CADPS: variants seen among roughly 807,000 people sequenced by gnomAD.
CADPS encodes calcium-dependent secretion activator 1.
Under a neutral mutation model 167.3 loss-of-function variants are expected in CADPS, and 57 were observed. That is an observed-to-expected ratio of 0.34 (90% CI 0.28 to 0.42). CADPS has a LOEUF of 0.42. CADPS is among the 20% of genes least tolerant of loss of function. The pLI is 1.00. For synonymous variants in CADPS, 676 were observed against 635.3 expected (o/e 1.06, Z -0.96); for missense variants, 1,414 against 1,738.1 (o/e 0.81, Z 3.32).
At chr3:62,578,406 C>A (rs965958154) in intron 8 of CADPS, among the ~76,000 whole-genome samples, 1 of 151,354 alleles carries the variant, frequency 6.6e-6, no homozygotes. Context: ...GTCAGGAGAT[C>A]GAGACAATTC....
intron 17 of CADPS, among the ~76,000 whole-genome samples, chr3:62,500,834 T>C (rs1355750496): frequency 6.6e-6 from 1 of 152,220 alleles, no homozygotes; most frequent in African/African-American, 2.4e-5. Context: ...TAATATTCTT[T>C]TATGCATTTC....
intron 12 of CADPS, among the ~76,000 whole-genome samples, chr3:62,534,698 C>T (rs1199491319): frequency 1.3e-5 from 2 of 152,022 alleles, no homozygotes; most frequent in Admixed American, 6.6e-5. Flanking sequence ...CCCTGCTGGT[C>T]GGTCTCCAAA....
chr3:62,803,494 T>A (rs1297314247), intron 1 of CADPS, among the ~76,000 whole-genome samples: 1 of 152,096 alleles, frequency 6.6e-6, no homozygotes, highest in Non-Finnish European at 1.5e-5. Context: ...TAGAAGGCTG[T>A]GTTGCTGCCT....
chr3:62,609,902 G>A (rs2061252392), intron 6 of CADPS, among the ~76,000 whole-genome samples: 3 of 151,954 alleles, frequency 2.0e-5, no homozygotes, highest in African/African-American at 7.2e-5. Context: ...AACAGCCTGG[G>A]CATGGTGAAA....
At chr3:62,427,868 A>T (rs2053078547) in intron 28 of CADPS, among the ~76,000 whole-genome samples, 1 of 148,776 alleles carries the variant, frequency 6.7e-6, no homozygotes, top group South Asian at 2.2e-4. Flanking sequence ...GTTCTTTTCT[A>T]AAAAAAAAAT....
chr3:62,752,550 A>G (rs560004059), intron 3 of CADPS, among the ~76,000 whole-genome samples: 4 of 152,292 alleles, frequency 2.6e-5, no homozygotes, highest in African/African-American at 9.6e-5. Flanking sequence ...CTGAGCATTC[A>G]CTCTGTGCCA....
At chr3:62,519,876 T>A (rs1372645840) in intron 13 of CADPS, among the ~76,000 whole-genome samples, 1 of 152,194 alleles carries the variant, frequency 6.6e-6, no homozygotes, top group Non-Finnish European at 1.5e-5. Context: ...CATGTGATGC[T>A]TTTGTTTGTA....
At chr3:62,617,447 T>A (rs561171996) in intron 6 of CADPS, among the ~76,000 whole-genome samples, 1 of 152,206 alleles carries the variant, frequency 6.6e-6, no homozygotes, top group Non-Finnish European at 1.5e-5. Context: ...GCTTTCAAGA[T>A]AAATTTCTAA....
At chr3:62,709,976 TG>T (rs2083078712) in intron 3 of CADPS, among the ~76,000 whole-genome samples, 1 of 152,040 alleles carries the variant, frequency 6.6e-6, no homozygotes, top group South Asian at 2.1e-4. Context: ...TTCACCATGT[TG>T]GCCAGACTGG....
intron 1 of CADPS, among the ~76,000 whole-genome samples, chr3:62,805,372 T>C (rs927876664): frequency 6.6e-5 from 10 of 152,308 alleles, no homozygotes; most frequent in African/African-American, 2.4e-4. Flanking sequence ...AGGAAGAAAC[T>C]GAAGCTAAGT....
Position 62,418,313 on chromosome 3 carries a change from CTTTTTTCTCTCTTTTTTTT to C in CADPS, c.3778-15147_3778-15129del, listed in dbSNP as rs2050566501. On this transcript the variant is annotated intron_variant, in intron 28 of 29. Coordinates refer to ENST00000383710, the MANE Select transcript of CADPS (RefSeq NM_003716.4). ...GGGTTACATGTTTTCTTTTTCTTTT[CTTTTTTCTCTCTTTTTTTT>C]TTTTTTTTTTTTGAGACAGGGTCTT... Among the ~76,000 whole-genome samples, 2 of 138,974 alleles carry C rather than the reference CTTTTTTCTCTCTTTTTTTT, an allele frequency of 1.4e-5. 1 individual carries two copies. The highest frequency in any genetic ancestry group is 4.6e-4 in the South Asian group (2 of 4,386). 91.2% of individuals were successfully genotyped at this position (138,974 alleles called of 152,430 possible).
At chr3:62,805,223 C>T (rs1010950037) in intron 1 of CADPS, among the ~76,000 whole-genome samples, 1 of 152,188 alleles carries the variant, frequency 6.6e-6, no homozygotes, top group Admixed American at 6.5e-5. Context: ...CAGTTGAGAA[C>T]CGCTCACTGT....
chr3:62,575,352 G>C (rs1191463130), intron 8 of CADPS, among the ~76,000 whole-genome samples: 5 of 152,152 alleles, frequency 3.3e-5, no homozygotes, highest in Admixed American at 6.5e-5. Flanking sequence ...AGAGTTAAGT[G>C]CTTAAATCTG....
intron 1 of CADPS, among the ~76,000 whole-genome samples, chr3:62,840,816 T>C (rs1388725494): frequency 6.6e-6 from 1 of 152,198 alleles, no homozygotes; most frequent in Admixed American, 6.6e-5. Context: ...CTGACAATTA[T>C]TCAAATTATT....
chr3:62,653,027 T>A (rs549726048), intron 4 of CADPS, among the ~76,000 whole-genome samples: 15 of 152,226 alleles, frequency 9.9e-5, no homozygotes, highest in Admixed American at 3.3e-4. Flanking sequence ...TGTTCCCCTC[T>A]CTCCCTATCT....
intron 18 of CADPS, chr3:62,498,281 A>G: frequency 2.4e-6 from 1 of 413,368 alleles, no homozygotes; most frequent in Non-Finnish European, 4.8e-6. Flanking sequence ...TATACTGGCA[A>G]TTTCCATTTA....
intron 6 of CADPS, among the ~76,000 whole-genome samples, chr3:62,599,904 T>TATTATATATATAATATACAATATATTA (rs573282875): frequency 1.2e-5 from 1 of 81,830 alleles, no homozygotes; most frequent in Non-Finnish European, 2.3e-5. Flanking sequence ...ATATACCATA[T>TATTATATATATAATATACAATATATTA]TATATATAAT....
chr3:62,496,238 G>T (rs2064772289), intron 18 of CADPS, among the ~76,000 whole-genome samples: 1 of 151,978 alleles, frequency 6.6e-6, no homozygotes, highest in Non-Finnish European at 1.5e-5. Flanking sequence ...TCTTGACCCT[G>T]GTTGTACACT....
intron 13 of CADPS, among the ~76,000 whole-genome samples, chr3:62,532,166 C>T (rs1422811246): frequency 6.6e-6 from 1 of 152,232 alleles, no homozygotes; most frequent in East Asian, 1.9e-4. Context: ...CCTGGAACCA[C>T]TCAACTCCTA....
Sources: allele counts gnomAD v4.1 joint callset (sites outside exome capture counted in the v4.1 genomes callset), GRCh38; gene constraint gnomAD v4.1.1; transcripts MANE v1.5; gene names NCBI Gene and HGNC (gene_info 2026-07-23, HGNC 2026-07-21).